Variants in PRR16 observed in about 807,000 individuals in gnomAD.
PRR16 encodes the protein proline rich 16, also known as protein Largen.
PRR16 carries 6 observed loss-of-function variants against 18.2 expected under a neutral mutation model. The observed-to-expected ratio is 0.33, with a 90% confidence interval of 0.18 to 0.65. PRR16 has a LOEUF of 0.65. PRR16 is among the 30% of genes least tolerant of loss of function. The pLI is 0.74. For synonymous variants in PRR16, 151 were observed against 147.8 expected, an observed-to-expected ratio of 1.02 and a Z score of -0.16; for missense variants, 412 against 376.6, an observed-to-expected ratio of 1.09 and a Z score of -0.78.
At chr5:120,578,835 A>G (rs569902240) in intron 1 of PRR16, among the ~76,000 whole-genome samples, 2 of 152,162 alleles carry the variant, frequency 1.3e-5, no homozygotes, top group African/African-American at 2.4e-5. Context: ...TGTCTTCCAC[A>G]AGGGTGGAAC....
At chr5:120,709,387 A>G in the PRR16 span, among the ~76,000 whole-genome samples, 1 of 152,114 alleles carries the variant, frequency 6.6e-6, no homozygotes, top group South Asian at 2.1e-4. Context: ...GTTCATATTT[A>G]TGGGGTACAT....
downstream of PRR16, among the ~76,000 whole-genome samples, chr5:120,689,759 G>GT (rs201079686): frequency 2.2e-3 from 311 of 144,298 alleles, 1 homozygote; most frequent in African/African-American, 5.0e-3. Flanking sequence ...GGGTGTTTTG[G>GT]TTTTTTTTTT....
At chr5:120,712,451 T>A in the PRR16 span, among the ~76,000 whole-genome samples, 2 of 152,126 alleles carry the variant, frequency 1.3e-5, no homozygotes, top group Non-Finnish European at 2.9e-5. Context: ...TTCATTTTAT[T>A]TTTTAGATTC....
chr5:120,505,867 C>G (rs542884911), intron 1 of PRR16, among the ~76,000 whole-genome samples: 1 of 151,112 alleles, frequency 6.6e-6, no homozygotes, highest in Non-Finnish European at 1.5e-5. Context: ...TATACACACA[C>G]GCGTATACAT....
the PRR16 span, among the ~76,000 whole-genome samples, chr5:120,692,437 G>C: frequency 1.3e-5 from 2 of 152,260 alleles, no homozygotes; most frequent in Middle Eastern, 6.8e-3. Context: ...TCACAACATA[G>C]AAAGGGGCAA....
chr5:120,786,967 A>G, the PRR16 span, among the ~76,000 whole-genome samples: 2 of 152,240 alleles, frequency 1.3e-5, no homozygotes, highest in African/African-American at 4.8e-5. Flanking sequence ...TATTCCATCC[A>G]AAAAGTGAGT....
At chr5:120,619,789 A>G (rs1031235991) in intron 1 of PRR16, among the ~76,000 whole-genome samples, 3 of 152,074 alleles carry the variant, frequency 2.0e-5, no homozygotes, top group African/African-American at 7.2e-5. Flanking sequence ...TAGTTATTGA[A>G]CATGCACTTT....
intron 1 of PRR16, among the ~76,000 whole-genome samples, chr5:120,546,108 A>G (rs886788465): frequency 6.6e-6 from 1 of 152,182 alleles, no homozygotes; most frequent in Middle Eastern, 3.4e-3. Context: ...AGGAAGCTGG[A>G]GTTAATAACA....
At chr5:120,671,497 G>C (rs1234024940) in intron 1 of PRR16, among the ~76,000 whole-genome samples, 1 of 152,052 alleles carries the variant, frequency 6.6e-6, no homozygotes, top group Non-Finnish European at 1.5e-5. Context: ...ATATATGCCT[G>C]AGATATGAAG....
intron 1 of PRR16, among the ~76,000 whole-genome samples, chr5:120,643,905 T>G (rs1371812115): frequency 1.3e-5 from 2 of 152,098 alleles, no homozygotes; most frequent in Non-Finnish European, 2.9e-5. Flanking sequence ...CTCAGGAAGC[T>G]GAGACAGGAA....
chr5:120,531,006 A>T (rs1260649272), intron 1 of PRR16, among the ~76,000 whole-genome samples: 1 of 152,222 alleles, frequency 6.6e-6, no homozygotes, highest in African/African-American at 2.4e-5. Flanking sequence ...GTTGGTAAAA[A>T]TAATTGAAAT....
Position 120,551,381 on chromosome 5 carries a change from A to G in PRR16, c.159+86736A>G, listed in dbSNP as rs114484015. 7.8e-3 allele frequency among the ~76,000 whole-genome samples: 1,182 copies of G among 152,124 alleles called. 18 individuals are homozygous for G. The highest frequency in any genetic ancestry group is 0.027 in the African/African-American group (1,127 of 41,544). On this transcript the variant is annotated intron_variant, in intron 1 of 1. Coordinates refer to ENST00000407149, the MANE Select transcript of PRR16 (RefSeq NM_001300783.2). ...TTTTATAGTCAGATGAGCTTAAGTT[A>G]AAATGCCGGCTCTTTCGCTAACTGG...
At chr5:120,779,812 CTTCAG>C in the PRR16 span, among the ~76,000 whole-genome samples, 6 of 152,144 alleles carry the variant, frequency 3.9e-5, no homozygotes, top group African/African-American at 1.4e-4. Flanking sequence ...CTGCCACCTC[CTTCAG>C]TTGTCAGAGA....
intron 1 of PRR16, among the ~76,000 whole-genome samples, chr5:120,538,162 C>A (rs1420923075): frequency 1.3e-5 from 2 of 152,180 alleles, no homozygotes; most frequent in Non-Finnish European, 2.9e-5. Flanking sequence ...GTTGTCTATT[C>A]ATTGATTTCA....
At chr5:120,676,423 C>T (rs1756798674) in intron 1 of PRR16, among the ~76,000 whole-genome samples, 1 of 151,826 alleles carries the variant, frequency 6.6e-6, no homozygotes, top group Non-Finnish European at 1.5e-5. Context: ...GAGCACACCC[C>T]CTTGGTATAG....
chr5:120,781,163 T>C, the PRR16 span: 1 of 152,140 alleles, frequency 6.6e-6, no homozygotes, highest in Non-Finnish European at 1.5e-5. Flanking sequence ...ACTGATGATA[T>C]TCTACATGGG....
At chr5:120,664,383 T>C (rs1346201861) in intron 1 of PRR16, among the ~76,000 whole-genome samples, 2 of 151,710 alleles carry the variant, frequency 1.3e-5, no homozygotes, top group Non-Finnish European at 2.9e-5. Context: ...GCTGCAACCC[T>C]GGGAAGCATG....
At chr5:120,734,552 A>AT in the PRR16 span, among the ~76,000 whole-genome samples, 126,014 of 152,062 alleles carry the variant, frequency 0.83, 53,918 homozygotes, top group East Asian at 0.94. Flanking sequence ...CTGGGATTTT[A>AT]TTTTTTTGAA....
At chr5:120,714,954 C>T in the PRR16 span, among the ~76,000 whole-genome samples, 23 of 152,160 alleles carry the variant, frequency 1.5e-4, no homozygotes, top group South Asian at 8.3e-4. Context: ...CACATGGACA[C>T]AGGGAGGAGA....
Sources: gnomAD v4.1 joint callset for allele counts (sites outside exome capture counted in the v4.1 genomes callset) on GRCh38, gnomAD v4.1.1 for gene constraint, MANE v1.5 for transcripts, NCBI Gene and HGNC (gene_info 2026-07-23, HGNC 2026-07-21) for gene names.